The following ZNF503 variants were observed in gnomAD, a reference collection of about 807,000 sequenced individuals.
ZNF503 encodes the protein zinc finger protein 503.
A neutral mutation model predicts 34.4 loss-of-function variants in ZNF503; 15 were observed. The observed-to-expected ratio is 0.44, with a 90% CI of 0.29 to 0.67. The LOEUF (loss-of-function observed/expected upper bound fraction) is 0.67. Ranked by LOEUF, ZNF503 falls within the 30% of genes least tolerant of loss-of-function variation. ZNF503 has a pLI of 0.13. For synonymous variants in ZNF503, 580 were observed against 456.8 expected (o/e 1.27, Z -3.44); for missense variants, 1,007 against 926.8 (o/e 1.09, Z -1.12).
At chr10:75,344,094 G>T in the ZNF503 span, among the ~76,000 whole-genome samples, 1 of 152,218 alleles carries the variant, frequency 6.6e-6, no homozygotes, top group African/African-American at 2.4e-5. Flanking sequence ...GCTTGGCAGA[G>T]CACCATTAAT....
the ZNF503 span, among the ~76,000 whole-genome samples, chr10:75,300,705 T>TA: frequency 1.1e-3 from 14 of 12,940 alleles, no homozygotes; most frequent in African/African-American, 0.023. Flanking sequence ...TCTTTCTTTC[T>TA]TTTTTTTTTT....
Position 75,400,021 on chromosome 10 carries a change from C to A in ZNF503, c.669G>T (p.Thr223=). Residue 223 remains threonine (T), a synonymous_variant, in exon 2 of 2, where the codon ACG becomes ACT. Coordinates refer to ENST00000372524, the MANE Select transcript of ZNF503 (RefSeq NM_032772.6). ...RVPSATCQPF[T]PRTGSPSSSA... Reference sequence around the variant, plus strand: ...TGGAGCTCGGGCTGCCTGTCCTGGGCGTGAATGGCTGGCAGGTGGCGCTCG... The same window carrying A: ...TGGAGCTCGGGCTGCCTGTCCTGGGAGTGAATGGCTGGCAGGTGGCGCTCG... 1 of 1,604,244 alleles carries A rather than the reference C, an allele frequency of 6.2e-7. No individual in the cohort carries two copies. Among genetic ancestry groups the A allele is most frequent in the Non-Finnish European group, 8.5e-7 (1 of 1,178,606 alleles).
chr10:75,375,223 C>A, the ZNF503 span, among the ~76,000 whole-genome samples: 2 of 151,608 alleles, frequency 1.3e-5, no homozygotes, highest in Non-Finnish European at 2.9e-5. Flanking sequence ...CGAGTTCAAG[C>A]GATTCTCCTG....
At chr10:75,375,596 A>C in the ZNF503 span, among the ~76,000 whole-genome samples, 1 of 152,072 alleles carries the variant, frequency 6.6e-6, no homozygotes, top group African/African-American at 2.4e-5. Context: ...AGCTCACTGC[A>C]ACCTCCACCT....
chr10:75,400,890 G>T, intron 1 of ZNF503: 1 of 701,772 alleles, frequency 1.4e-6, no homozygotes, highest in Non-Finnish European at 2.3e-6. Context: ...GGAGAAACAA[G>T]TATTGGCAGC....
chr10:75,304,707 A>G, the ZNF503 span, among the ~76,000 whole-genome samples: 1 of 152,254 alleles, frequency 6.6e-6, no homozygotes, highest in Non-Finnish European at 1.5e-5. Context: ...ATGTTTTAGA[A>G]AGCCTCAATA....
chr10:75,299,637 T>C, the ZNF503 span, among the ~76,000 whole-genome samples: 16 of 152,222 alleles, frequency 1.1e-4, no homozygotes, highest in Non-Finnish European at 2.2e-4. Flanking sequence ...CGTAGGTTCT[T>C]TTCTATTTTC....
the ZNF503 span, among the ~76,000 whole-genome samples, chr10:75,367,065 ATTGCAAACACAC>A: frequency 1.3e-5 from 2 of 152,230 alleles, no homozygotes; most frequent in Non-Finnish European, 2.9e-5. Context: ...AAGCAAGATA[ATTGCAAACACAC>A]TTGCCCACCA....
chr10:75,333,608 G>A, the ZNF503 span, among the ~76,000 whole-genome samples: 3 of 80,034 alleles, frequency 3.7e-5, no homozygotes, highest in South Asian at 9.9e-4. Context: ...CCTTCCTCCC[G>A]GACGGCACGG....
At chr10:75,300,839 G>A in the ZNF503 span, among the ~76,000 whole-genome samples, 1 of 150,968 alleles carries the variant, frequency 6.6e-6, no homozygotes, top group Non-Finnish European at 1.5e-5. Flanking sequence ...CCGAGTAGCT[G>A]GGACTACAGA....
At chr10:75,291,089 T>G in the ZNF503 span, among the ~76,000 whole-genome samples, 9 of 152,202 alleles carry the variant, frequency 5.9e-5, no homozygotes, top group African/African-American at 2.2e-4. Flanking sequence ...AGCCTGTGCC[T>G]GGGGGTTTCA....
At chr10:75,333,114 C>T in the ZNF503 span, among the ~76,000 whole-genome samples, 2 of 141,594 alleles carry the variant, frequency 1.4e-5, no homozygotes, top group South Asian at 2.3e-4. Context: ...GCTGACCCCC[C>T]AACCTCCCTC....
the ZNF503 span, among the ~76,000 whole-genome samples, chr10:75,286,580 C>G: frequency 6.6e-6 from 1 of 152,182 alleles, no homozygotes; most frequent in African/African-American, 2.4e-5. Context: ...TTCATTTTCT[C>G]TTCTGTGAGA....
chr10:75,295,883 G>T, the ZNF503 span, among the ~76,000 whole-genome samples: 2 of 152,188 alleles, frequency 1.3e-5, no homozygotes, highest in South Asian at 4.2e-4. This position sits in a 1 kb window ranked among gnomAD's most constrained non-coding sequence, Gnocchi z 4.0. Context: ...TGGAAGGGGG[G>T]AGAGAGAGAG....
the ZNF503 span, among the ~76,000 whole-genome samples, chr10:75,369,224 C>T: frequency 3.5e-4 from 54 of 152,214 alleles, no homozygotes; most frequent in South Asian, 5.2e-3. Context: ...TAACTTTGAG[C>T]GAGAATTTCA....
chr10:75,318,612 T>A, the ZNF503 span, among the ~76,000 whole-genome samples: 1 of 146,742 alleles, frequency 6.8e-6, no homozygotes, highest in Non-Finnish European at 1.5e-5. Context: ...GAGGCTGCAG[T>A]GAGCTGTTAT....
chr10:75,324,104 G>A, the ZNF503 span, among the ~76,000 whole-genome samples: 1 of 144,852 alleles, frequency 6.9e-6, no homozygotes, highest in East Asian at 2.0e-4. Flanking sequence ...ATATTTTCTT[G>A]CAATCTATGG....
At chr10:75,314,236 CAAAAAAAAAAAAA>C in the ZNF503 span, among the ~76,000 whole-genome samples, 1 of 89,810 alleles carries the variant, frequency 1.1e-5, no homozygotes, top group East Asian at 3.3e-4. Context: ...GACTCCGTCT[CAAAAAAAAAAAAA>C]AAAAAAAAGA....
At chr10:75,280,465 G>A in the ZNF503 span, 2 of 152,222 alleles carry the variant, frequency 1.3e-5, no homozygotes, top group African/African-American at 2.4e-5. Flanking sequence ...AGAGTGGCGT[G>A]TTTTGCTGCT....
Sources: allele counts gnomAD v4.1 joint callset (sites outside exome capture counted in the v4.1 genomes callset), GRCh38; gene constraint gnomAD v4.1.1; non-coding constraint Gnocchi (gnomAD v3.1); transcripts MANE v1.5; gene names NCBI Gene and HGNC (gene_info 2026-07-23, HGNC 2026-07-21).